EPAS1: variants seen among roughly 807,000 people sequenced by gnomAD.
EPAS1 encodes the protein endothelial PAS domain protein 1.
EPAS1 carries 23 observed loss-of-function variants against 87.9 expected under a neutral mutation model. The observed-to-expected ratio is 0.26, with a 90% CI of 0.19 to 0.37. The LOEUF (loss-of-function observed/expected upper bound fraction) is 0.37. Among genes scored for constraint, EPAS1 ranks in the 10% least tolerant of loss-of-function variants. The probability of loss-of-function intolerance (pLI) is 1.00; values close to 1 mark genes in which losing one functional copy is unlikely to be tolerated. For missense variants in EPAS1, 1,138 were observed against 1,120.7 expected, an observed-to-expected ratio of 1.02 and a Z score of -0.22; for synonymous variants, 508 against 444.3, an observed-to-expected ratio of 1.14 and a Z score of -1.80.
intron 1 of EPAS1, among the ~76,000 whole-genome samples, chr2:46,304,987 G>A (rs893461186): frequency 2.6e-5 from 4 of 152,212 alleles, no homozygotes; most frequent in Admixed American, 2.0e-4. Flanking sequence ...TGTGAACCTA[G>A]AGGGTACCTT....
intron 11 of EPAS1, chr2:46,379,794 C>T (rs764095806): frequency 3.5e-5 from 9 of 258,148 alleles, no homozygotes; most frequent in African/African-American, 1.5e-4. Flanking sequence ...TGCTTAGGCC[C>T]GTGCCAGCTT....
At chr2:46,318,942 G>A (rs920074134) in intron 1 of EPAS1, among the ~76,000 whole-genome samples, 1 of 152,132 alleles carries the variant, frequency 6.6e-6, no homozygotes, top group African/African-American at 2.4e-5. Flanking sequence ...ACTTATAGAG[G>A]TATCATAGTG....
chr2:46,356,768 C>T lies in EPAS1; in HGVS notation c.414C>T (p.Cys138=), dbSNP rs374636224. Residue 138 remains cysteine (C), a synonymous_variant, in exon 4 of 16, where the codon TGC becomes TGT. Coordinates refer to ENST00000263734, the MANE Select transcript of EPAS1 (RefSeq NM_001430.5). ...GTATCTTTGACTTCACTCATCCCTG[C>T]GACCATGAGGAGATTCGTGAGAACC... ...GHSIFDFTHP[C]DHEEIRENLS... is the part of the protein sequence containing the mutation. The T allele has an allele frequency of 6.8e-5, 109 of 1,613,818 alleles. No individual in the cohort carries two copies. The highest frequency in any genetic ancestry group is 1.1e-4 in the African/African-American group (8 of 74,898).
chr2:46,376,406 A>G (rs1226147161), intron 8 of EPAS1, 133 bp from the exon 9 acceptor site: 7 of 831,524 alleles, frequency 8.4e-6, no homozygotes, highest in East Asian at 7.2e-5. Context: ...ATGGTTCTTT[A>G]TAAGACGCCA....
rs1281918644 is a variant in EPAS1 at position 46,329,473 on chromosome 2, C to G, written c.27-17400C>G. ...TGTCCCTGTAAGATAAGCTCTTTTC[C>G]CCTTGGAGACCTTGCCTATTAATTG... On this transcript the variant is annotated intron_variant, in intron 1 of 15. Transcript: ENST00000263734. Among the ~76,000 whole-genome samples the G allele has an allele frequency of 3.9e-5, 6 of 152,118 alleles. No individual in the cohort carries two copies. In the South Asian group the frequency reaches 1.0e-3, roughly 26 times the overall value.
At chr2:46,384,046 T>C (rs1297205708) in intron 15 of EPAS1, among the ~76,000 whole-genome samples, 1 of 152,168 alleles carries the variant, frequency 6.6e-6, no homozygotes, top group Non-Finnish European at 1.5e-5. Flanking sequence ...GGCAAGAGAA[T>C]AGCACAGAGG....
rs1685019298 is a variant in EPAS1 at position 46,386,147 on chromosome 2, T to C, written c.*1487T>C. 6.6e-6 allele frequency: 1 copy of C among 152,504 alleles called. No homozygotes were observed. Among genetic ancestry groups the C allele is most frequent in the Non-Finnish European group, 1.5e-5 (1 of 68,006 alleles). The allele number at this position is 152,504 out of a possible 1,614,324, so 9.4% of individuals were successfully genotyped here. On this transcript the variant is annotated 3_prime_UTR_variant, in exon 16 of 16. Coordinates refer to ENST00000263734, the MANE Select transcript of EPAS1 (RefSeq NM_001430.5). ...ACATGTAGGTAGGAAGCACTGAAAATAGTGTTCCCAGAGCACTTTGCAACT... is the reference window on the plus strand; with the variant it reads ...ACATGTAGGTAGGAAGCACTGAAAACAGTGTTCCCAGAGCACTTTGCAACT...
Position 46,297,720 on chromosome 2 carries a change from C to T in EPAS1, c.-192C>T, listed in dbSNP as rs888959292. On this transcript the variant is annotated 5_prime_UTR_variant, in exon 1 of 16. Coordinates refer to ENST00000263734, the MANE Select transcript of EPAS1 (RefSeq NM_001430.5). Reference sequence around the variant, plus strand: ...GCAGGTTCCTCCCAGTCACCTTTCTCCACCCCCGCCCCCGCACCTAGCCCG... The same window carrying T: ...GCAGGTTCCTCCCAGTCACCTTTCTTCACCCCCGCCCCCGCACCTAGCCCG... 1.6e-6 allele frequency: 1 copy of T among 639,580 alleles called. No homozygotes were observed. Among genetic ancestry groups the T allele is most frequent in the Non-Finnish European group, 2.7e-6 (1 of 376,232 alleles). 39.6% of individuals were successfully genotyped at this position (639,580 alleles called of 1,614,324 possible). A position where few individuals can be genotyped will look rare whatever the true frequency, so the allele number is the denominator to read the frequency against.
At chr2:46,378,903 A>G in intron 11 of EPAS1, 136 bp downstream of exon 11, 1 of 811,060 alleles carries the variant, frequency 1.2e-6, no homozygotes, top group Non-Finnish European at 2.1e-6. Context: ...CAGGTCCCCT[A>G]AAGAGGTAGG....
chr2:46,366,261 C>T (rs986663447), intron 6 of EPAS1, among the ~76,000 whole-genome samples: 4 of 152,162 alleles, frequency 2.6e-5, no homozygotes, highest in Non-Finnish European at 5.9e-5. Flanking sequence ...AATTTTTTTG[C>T]GAGCACTCTG....
chr2:46,306,793 A>G (rs976025249), intron 1 of EPAS1, among the ~76,000 whole-genome samples: 13 of 152,256 alleles, frequency 8.5e-5, no homozygotes, highest in African/African-American at 1.9e-4. Context: ...TAAAAATCAC[A>G]TATATCAAAT....
chr2:46,308,696 A>G (rs1683156208), intron 1 of EPAS1, among the ~76,000 whole-genome samples: 1 of 152,222 alleles, frequency 6.6e-6, no homozygotes, highest in African/African-American at 2.4e-5. Flanking sequence ...TGCAAACGTC[A>G]GGCTAGTATT....
intron 14 of EPAS1, 36 bp from the exon 15 acceptor site, chr2:46,382,389 C>G: frequency 6.2e-7 from 1 of 1,613,632 alleles, no homozygotes; most frequent in African/African-American, 1.3e-5. Context: ...TCCCTCAGGC[C>G]AATGCTACCG....
At chr2:46,301,063 T>C (rs1682985946) in intron 1 of EPAS1, among the ~76,000 whole-genome samples, 1 of 152,250 alleles carries the variant, frequency 6.6e-6, no homozygotes, top group South Asian at 2.1e-4. Context: ...ATGTAACACA[T>C]TGTTGGCTTG....
intron 6 of EPAS1, among the ~76,000 whole-genome samples, chr2:46,362,670 G>A (rs1156603537): frequency 6.6e-6 from 1 of 152,198 alleles, no homozygotes; most frequent in African/African-American, 2.4e-5. Context: ...TCTCCAGGAT[G>A]GGGTTTCTCT....
In EPAS1 at chr2:46,380,348, C is replaced by T. The variant is rs1331769169; in HGVS notation, c.1676C>T (p.Thr559Ile). ...CTCTTGGCGGAGAACCCACAGTCCA[C>T]CCCCCAGCACTGCTTCAGTGCCATG... ...ERLLAENPQS[T>I]PQHCFSAMTN... Residue 559 changes from threonine (T) to isoleucine (I), a missense_variant, in exon 12 of 16, where the codon ACC (threonine) becomes ATC (isoleucine). By Grantham distance (89) the Thr-to-Ile change is moderately conservative (BLOSUM62 -1). Around this residue, in one of 4 missense-constraint regions of EPAS1, gnomAD observed 502 missense variants for 427.1 expected, o/e 1.18. Coordinates refer to ENST00000263734, the MANE Select transcript of EPAS1 (RefSeq NM_001430.5). This position sits in a 1 kb window ranked among gnomAD's most constrained non-coding sequence, Gnocchi z 4.4. 1.2e-6 allele frequency: 2 copies of T among 1,614,064 alleles called. No individual in the cohort carries two copies. The highest frequency in any genetic ancestry group is 1.7e-6 in the Non-Finnish European group (2 of 1,180,004).
In EPAS1 at chr2:46,367,750, C is replaced by G. The variant is rs550169116; in HGVS notation, c.780-2077C>G. Among the ~76,000 whole-genome samples the G allele has an allele frequency of 3.9e-5, 6 of 152,320 alleles. No individual in the cohort carries two copies. The East Asian group carries it at 1.2e-3, about 29-fold the overall frequency. ...TGAATCAGCTGAGACCTAAGCCTCT[C>G]AGCCCTGTTGAGCTGCTCCTTGTTT... is the stretch of plus-strand genomic sequence containing the variant. On this transcript the variant is annotated intron_variant, in intron 6 of 15. Coordinates refer to ENST00000263734, the MANE Select transcript of EPAS1 (RefSeq NM_001430.5).
intron 6 of EPAS1, among the ~76,000 whole-genome samples, chr2:46,365,273 C>G (rs1410928246): frequency 1.3e-5 from 2 of 152,104 alleles, no homozygotes; most frequent in African/African-American, 4.8e-5. Context: ...GTAAAAATTT[C>G]AAATCAACAA....
chr2:46,356,122 C>T, intron 2 of EPAS1, 29 bp from the exon 3 acceptor site: 1 of 1,464,846 alleles, frequency 6.8e-7, no homozygotes, highest in Non-Finnish European at 9.4e-7. Context: ...CACATTCATG[C>T]AAGCTGTCCC....
Sources: gnomAD v4.1 joint callset for allele counts (sites outside exome capture counted in the v4.1 genomes callset) on GRCh38, gnomAD v4.1.1 for gene constraint, gnomAD v4.1.1 regional missense constraint, Gnocchi (gnomAD v3.1) non-coding constraint, MANE v1.5 for transcripts, NCBI Gene and HGNC (gene_info 2026-07-23, HGNC 2026-07-21) for gene names.